The following EIF3I variants were observed in gnomAD, a reference collection of about 807,000 sequenced individuals.
The protein encoded by EIF3I is eukaryotic translation initiation factor 3 subunit I.
A neutral mutation model predicts 43.3 loss-of-function variants in EIF3I; 20 were observed. The ratio of observed to expected loss-of-function variants is 0.46; its 90% CI spans 0.32 to 0.67. The LOEUF (loss-of-function observed/expected upper bound fraction) is 0.67. Ranked by LOEUF, EIF3I falls within the 30% of genes least tolerant of loss-of-function variation. The pLI is 0.03. For synonymous variants in EIF3I, 167 were observed against 151.7 expected (o/e 1.10, Z -0.74); for missense variants, 279 against 421.4 (o/e 0.66, Z 2.96).
intron 11 of EIF3I, 41 bp from the exon 11 acceptor site, chr1:32,231,074 C>A: frequency 6.2e-7 from 1 of 1,613,824 alleles, no homozygotes; most frequent in Non-Finnish European, 8.5e-7. Context: ...CTGCCTTTCC[C>A]AGAGTAAGCA....
chr1:32,225,050 T>C (rs1639121678), intron 4 of EIF3I, among the ~76,000 whole-genome samples: 1 of 152,124 alleles, frequency 6.6e-6, no homozygotes, highest in African/African-American at 2.4e-5. Flanking sequence ...GCCAGACTGG[T>C]CTCAAACTCC....
At position 32,226,169 on chromosome 1, in the gene EIF3I, A is replaced by T. The variant is rs775042459; in HGVS notation, c.251-2A>T. 1 of 1,614,066 alleles carries T rather than the reference A, an allele frequency of 6.2e-7. No individual in the cohort carries two copies. On this transcript the variant is annotated splice_acceptor_variant, in intron 4 of 11. Transcript: ENST00000676679. LOFTEE classifies it high-confidence loss of function. ...TGTAGCCCAGACTTTGCCTGACTCC[A>T]GGAAAGCAGCTGGCCCTTCTCAAGA...
At chr1:32,224,213 G>C (rs1557553496) in intron 3 of EIF3I, 92 bp downstream of exon 3, 6 of 1,329,704 alleles carry the variant, frequency 4.5e-6, no homozygotes, top group Middle Eastern at 1.9e-4. Context: ...GTGCTGTTGA[G>C]GGCCTAGAGA....
chr1:32,226,896 G>A (rs1225138065), intron 6 of EIF3I, among the ~76,000 whole-genome samples: 2 of 121,202 alleles, frequency 1.7e-5, no homozygotes, highest in Non-Finnish European at 3.3e-5. Flanking sequence ...GCAGTGGTAC[G>A]ATCTCGGCTC....
exon 6 of EIF3I, chr1:32,226,414 C>T (rs780478406): frequency 1.2e-6 from 2 of 1,605,828 alleles, no homozygotes; most frequent in East Asian, 2.2e-5. Flanking sequence ...CAACAATGAG[C>T]CCTACATGAA....
downstream of EIF3I, chr1:32,234,550 G>C (rs1334566430): frequency 6.5e-6 from 1 of 152,950 alleles, no homozygotes; most frequent in African/African-American, 2.4e-5. Context: ...GAGGAGAAAG[G>C]TGGGTGCCTC....
At chr1:32,232,800 G>T (rs1466945738), downstream of EIF3I, among the ~76,000 whole-genome samples, 2 of 152,032 alleles carry the variant, frequency 1.3e-5, no homozygotes, top group African/African-American at 4.8e-5. Context: ...GGACTAGTGG[G>T]GTTAGTGAAG....
chr1:32,227,883 A>G (rs548539772), intron 6 of EIF3I, among the ~76,000 whole-genome samples: 6 of 152,378 alleles, frequency 3.9e-5, no homozygotes, highest in African/African-American at 1.2e-4. Context: ...GAAGTAAATC[A>G]GATGCAGTCC....
chr1:32,229,540 GC>G (rs1458814160), intron 9 of EIF3I, among the ~76,000 whole-genome samples: 1 of 145,834 alleles, frequency 6.9e-6, no homozygotes, highest in Non-Finnish European at 1.5e-5. Flanking sequence ...GAGCCACCGT[GC>G]CCAGCCTTTT....
At chr1:32,231,129 G>T (rs968760383) in exon 12 of EIF3I, 1 of 1,614,008 alleles carries the variant, frequency 6.2e-7, no homozygotes, top group Non-Finnish European at 8.5e-7. Context: ...AGCAGCGGCG[G>T]CGAAGATGGT....
At position 32,226,388 on chromosome 1, in the gene EIF3I, T is replaced by C. The variant is rs1161024590; in HGVS notation, c.401-15T>C. 1 of 1,610,606 alleles carries C rather than the reference T, an allele frequency of 6.2e-7. No homozygotes were observed. Among genetic ancestry groups the C allele is most frequent in the South Asian group, 1.1e-5 (1 of 90,502 alleles). The stretch of plus-strand genomic sequence containing the variant: ...GTTCTAGAGCCCAGGGCCTAACATC[T>C]ACTGCCCCACACAGACAACAATGAG... On this transcript the variant is annotated splice_polypyrimidine_tract_variant and intron_variant, in intron 5 of 11. Transcript: ENST00000676679.
At position 32,228,724 on chromosome 1, in the gene EIF3I, C is replaced by T. The variant is rs770986009; in HGVS notation, c.640-3C>T. 6.2e-6 allele frequency: 10 copies of T among 1,613,752 alleles called. No homozygotes were observed. The highest frequency in any genetic ancestry group is 8.5e-6 in the Non-Finnish European group (10 of 1,179,832). On this transcript the variant is annotated splice_polypyrimidine_tract_variant and splice_region_variant and intron_variant, in intron 7 of 11. Coordinates refer to ENST00000676679, the Ensembl canonical transcript of EIF3I. ...AGATTTCCCCCCTGCCTTCTCTCTCCAGCTTTTTGACTCCACAACTCTTGA... is the reference window on the plus strand; with the variant it reads ...AGATTTCCCCCCTGCCTTCTCTCTCTAGCTTTTTGACTCCACAACTCTTGA...
At chr1:32,222,586 T>A (rs1308610356) in exon 2 of EIF3I, 6 of 1,614,076 alleles carry the variant, frequency 3.7e-6, no homozygotes, top group Non-Finnish European at 5.1e-6. Context: ...GCAGATTAAG[T>A]ATAACCGCGA....
At chr1:32,223,684 A>T (rs1639081927) in intron 2 of EIF3I, among the ~76,000 whole-genome samples, 1 of 152,198 alleles carries the variant, frequency 6.6e-6, no homozygotes. Context: ...CAGAACCCAG[A>T]CTTCCTTACT....
At chr1:32,236,046 AC>A (rs1359430093), downstream of EIF3I, among the ~76,000 whole-genome samples, 5 of 152,140 alleles carry the variant, frequency 3.3e-5, no homozygotes, top group Admixed American at 6.5e-5. Flanking sequence ...CTCCCACCAT[AC>A]CAAAGGACAT....
chr1:32,228,875 G>A, intron 8 of EIF3I, 59 bp downstream of exon 8: 2 of 1,418,804 alleles, frequency 1.4e-6, no homozygotes, highest in Non-Finnish European at 2.0e-6. Flanking sequence ...AGTTCTAGAT[G>A]CTTGTCCAGA....
chr1:32,230,560 C>G (rs1337977797), intron 10 of EIF3I, among the ~76,000 whole-genome samples: 1 of 152,042 alleles, frequency 6.6e-6, no homozygotes, highest in Non-Finnish European at 1.5e-5. Context: ...GCATTTGAGG[C>G]CAGGTGTGGT....
intron 8 of EIF3I, 66 bp from the exon 9 acceptor site, chr1:32,229,069 C>A: frequency 1.3e-6 from 2 of 1,521,084 alleles, no homozygotes; most frequent in Non-Finnish European, 1.8e-6. Context: ...ATGTATATGG[C>A]AGCAGAAAAA....
At chr1:32,229,419 T>C (rs917569835) in intron 9 of EIF3I, among the ~76,000 whole-genome samples, 1 of 151,688 alleles carries the variant, frequency 6.6e-6, no homozygotes, top group Admixed American at 6.6e-5. Context: ...TAATTTTCTT[T>C]TTGTATTTTT....
Sources: allele counts gnomAD v4.1 joint callset (sites outside exome capture counted in the v4.1 genomes callset), GRCh38; gene constraint gnomAD v4.1.1; transcripts MANE v1.5; gene names NCBI Gene and HGNC (gene_info 2026-07-23, HGNC 2026-07-21).